Variants in RFWD3 observed in about 807,000 individuals in gnomAD.
RFWD3 encodes the protein E3 ubiquitin-protein ligase RFWD3.
A neutral mutation model predicts 87.7 loss-of-function variants in RFWD3; 65 were observed. The observed-to-expected ratio is 0.74, with a 90% CI of 0.61 to 0.91. The LOEUF (loss-of-function observed/expected upper bound fraction) is 0.91. Among genes scored for constraint, RFWD3 ranks in the 40% least tolerant of loss-of-function variants. The pLI, the probability that RFWD3 is intolerant of heterozygous loss-of-function variation, is 0.00. For synonymous variants in RFWD3, 433 were observed against 352.8 expected (o/e 1.23, Z -2.55); for missense variants, 1,078 against 938.5 (o/e 1.15, Z -1.94).
chr16:74,664,866 C>T (rs1162753095), intron 1 of RFWD3: 1 of 152,234 alleles, frequency 6.6e-6, no homozygotes, highest in Non-Finnish European at 1.5e-5. Context: ...ATACAGAACA[C>T]TTTTCTCGTC....
intron 6 of RFWD3, 35 bp downstream of exon 6, chr16:74,644,327 G>C (rs756752055): frequency 1.2e-6 from 2 of 1,602,618 alleles, no homozygotes; most frequent in Non-Finnish European, 1.7e-6. Flanking sequence ...GAACCAAAAG[G>C]GAACATTCCA....
intron 2 of RFWD3, among the ~76,000 whole-genome samples, chr16:74,653,216 G>A (rs1960700008): frequency 6.6e-6 from 1 of 152,164 alleles, no homozygotes; most frequent in Non-Finnish European, 1.5e-5. Context: ...GTGTGCTCCT[G>A]TAGTTCCAGC....
At chr16:74,656,849 G>A (rs969638159) in intron 2 of RFWD3, among the ~76,000 whole-genome samples, 4 of 152,184 alleles carry the variant, frequency 2.6e-5, no homozygotes, top group African/African-American at 4.8e-5. Flanking sequence ...AGAAGTTGAT[G>A]TCAACTCTTA....
chr16:74,640,932 C>T (rs1959587914), intron 6 of RFWD3, among the ~76,000 whole-genome samples: 1 of 152,024 alleles, frequency 6.6e-6, no homozygotes, highest in Non-Finnish European at 1.5e-5. Context: ...GAGCGAGACT[C>T]TGTCTCAAAA....
intron 2 of RFWD3, among the ~76,000 whole-genome samples, chr16:74,654,674 G>T (rs1960829625): frequency 6.6e-6 from 1 of 152,184 alleles, no homozygotes; most frequent in Non-Finnish European, 1.5e-5. Context: ...CATGTCAAAA[G>T]CTGGGATAGG....
At chr16:74,662,774 C>A (rs1056710328) in intron 1 of RFWD3, among the ~76,000 whole-genome samples, 29 of 152,292 alleles carry the variant, frequency 1.9e-4, no homozygotes, top group Admixed American at 1.8e-3. Context: ...GGTGCAAGAG[C>A]ATAAGCTAGG....
chr16:74,666,194 A>AT lies in RFWD3; in HGVS notation c.-3+591dup, dbSNP rs554201629. 9.4e-3 allele frequency: 1,074 copies of AT among 114,736 alleles called. 16 individuals carry two copies. The highest frequency in any genetic ancestry group is 0.028 in the African/African-American group (1,025 of 36,372). The allele number at this position is 114,736 out of a possible 1,614,324, so 7.1% of individuals were successfully genotyped here. On this transcript the variant is annotated intron_variant, in intron 1 of 12. Transcript: ENST00000361070. ...TTAGATAGACAGATTAGATAGATAG[A>AT]TAGATAGATAGATAGATAGATAGAT...
At chr16:74,626,915 C>T (rs1039892506) in intron 11 of RFWD3, among the ~76,000 whole-genome samples, 4 of 152,100 alleles carry the variant, frequency 2.6e-5, no homozygotes, top group Non-Finnish European at 5.9e-5. Flanking sequence ...TTTTCCCTTC[C>T]CCCAGTGAGA....
chr16:74,626,679 G>A, intron 11 of RFWD3, 125 bp from the exon 12 acceptor site: 1 of 671,344 alleles, frequency 1.5e-6, no homozygotes, highest in East Asian at 2.7e-5. Flanking sequence ...AAACCATCAA[G>A]AACAGTTACA....
At position 74,658,946 on chromosome 16, in the gene RFWD3, T is replaced by A. The variant is rs1197427271; in HGVS notation, c.518+1986A>T. On this transcript the variant is annotated intron_variant, in intron 2 of 12. Coordinates refer to ENST00000361070, the MANE Select transcript of RFWD3 (RefSeq NM_018124.4). ...CCACGCCCGGCTAATTTTTTGTATT[T>A]TTAGTAGAGATGGGGTTTCACCATG... is the stretch of plus-strand genomic sequence containing the variant. Among the ~76,000 whole-genome samples, 4 of 152,126 alleles carry A rather than the reference T, an allele frequency of 2.6e-5. No homozygotes were observed. In the East Asian group the frequency reaches 7.7e-4, roughly 29 times the overall value.
Position 74,632,660 on chromosome 16 carries a change from C to T in RFWD3, c.1440G>A (p.Lys480=). ...TCTTCATGTTGGCAGTACTCAACAT[C>T]TTAACACCAAAGCCTGAAAAAGGCA... The part of the protein sequence containing the change: ...QASFLPGFGV[K]MLSTANMKSS... Residue 480 remains lysine, a synonymous_variant, in exon 9 of 13, where the codon AAG becomes AAA. Transcript: ENST00000361070. The T allele has an allele frequency of 6.2e-7, 1 of 1,614,102 alleles. No homozygotes were observed.
At position 74,666,846 on chromosome 16, in the gene RFWD3, G is replaced by GTAGTTACCTCCC. The variant is rs1555529889; in HGVS notation, c.-64_-63insGGGAGGTAACTA. 6.6e-6 allele frequency: 1 copy of GTAGTTACCTCCC among 152,322 alleles called. No homozygotes were observed. The highest frequency in any genetic ancestry group is 2.4e-5 in the African/African-American group (1 of 41,444). 9.4% of individuals were successfully genotyped at this position (152,322 alleles called of 1,614,324 possible). On this transcript the variant is annotated 5_prime_UTR_variant, in exon 1 of 13. Coordinates refer to ENST00000361070, the MANE Select transcript of RFWD3 (RefSeq NM_018124.4). ...CGCCGAAGACTCGGTAGTTACCTCGGCCGCACTCCGAATGCACCTACGCCA... is the reference window on the plus strand; with the variant it reads ...CGCCGAAGACTCGGTAGTTACCTCGGTAGTTACCTCCCCCGCACTCCGAATGCACCTACGCCA...
At chr16:74,645,950 G>A (rs776394816) in intron 4 of RFWD3, among the ~76,000 whole-genome samples, 14 of 151,248 alleles carry the variant, frequency 9.3e-5, no homozygotes, top group Admixed American at 4.0e-4. Context: ...GGGTTTCACC[G>A]TGTTAGTTAG....
intron 11 of RFWD3, 73 bp from the exon 12 acceptor site, chr16:74,626,627 C>T (rs2144024801): frequency 8.3e-7 from 1 of 1,200,172 alleles, no homozygotes; most frequent in East Asian, 2.4e-5. Context: ...CCAAACCTCA[C>T]ACGCTTACAA....
chr16:74,639,301 G>C (rs1959431649), intron 6 of RFWD3, among the ~76,000 whole-genome samples: 2 of 152,290 alleles, frequency 1.3e-5, no homozygotes, highest in East Asian at 3.9e-4. Context: ...GCCTCCCAAA[G>C]TGCTGGGATT....
At chr16:74,638,073 T>A in intron 6 of RFWD3, 103 bp from the exon 7 acceptor site, 1 of 673,916 alleles carries the variant, frequency 1.5e-6, no homozygotes, top group Non-Finnish European at 2.7e-6. Flanking sequence ...CGTTCTTTGC[T>A]GTAAATATGT....
intron 3 of RFWD3, among the ~76,000 whole-genome samples, chr16:74,651,002 T>C (rs1960519654): frequency 6.6e-6 from 1 of 151,730 alleles, no homozygotes; most frequent in Non-Finnish European, 1.5e-5. Flanking sequence ...TTACTAGTTT[T>C]TGGAGTAATT....
In RFWD3 at chr16:74,661,375, G is replaced by A; in HGVS notation, c.75C>T (p.Gly25=). ...CTGGTCCCCCTTGGCTGCTGGCCAT[G>A]CCAGCAGGAGCTGGCTGTTGTTCGG... ...NHAEQQPAPA[G]MASSQGGPAL... is the part of the protein sequence containing the mutation. The change falls in exon 2 of 13, where the codon GGC becomes GGT. Residue 25 remains glycine, a synonymous_variant. Coordinates refer to ENST00000361070, the MANE Select transcript of RFWD3 (RefSeq NM_018124.4). The A allele has an allele frequency of 1.2e-6, 2 of 1,614,004 alleles. No individual in the cohort carries two copies. The highest frequency in any genetic ancestry group is 1.3e-5 in the African/African-American group (1 of 75,046).
chr16:74,623,771 T>G lies in RFWD3; in HGVS notation c.*157A>C, dbSNP rs185581804. 1.9e-5 allele frequency: 13 copies of G among 685,718 alleles called. No homozygotes were observed. In the Admixed American group the frequency reaches 3.2e-4, roughly 17 times the overall value. The allele number at this position is 685,718 out of a possible 1,614,324, so 42.5% of individuals were successfully genotyped here. On this transcript the variant is annotated 3_prime_UTR_variant, in exon 13 of 13. Transcript: ENST00000361070. ...TAACAGATACACAATCTGTAGTGTC[T>G]CAGTGACCTAGGGTCCTAGAATCAT...
Sources: gnomAD v4.1 joint callset for allele counts (sites outside exome capture counted in the v4.1 genomes callset) on GRCh38, gnomAD v4.1.1 for gene constraint, MANE v1.5 for transcripts, NCBI Gene and HGNC (gene_info 2026-07-23, HGNC 2026-07-21) for gene names.